The following NRXN3 variants were observed in gnomAD, a reference collection of about 807,000 sequenced individuals.
NRXN3 encodes neurexin III.
Under a neutral mutation model 137.6 loss-of-function variants are expected in NRXN3, and 32 were observed. The observed-to-expected ratio is 0.23, with a 90% CI of 0.18 to 0.31. NRXN3 has a LOEUF of 0.31. Among genes scored for constraint, NRXN3 ranks in the 10% least tolerant of loss-of-function variants. The pLI, the probability that NRXN3 is intolerant of heterozygous loss-of-function variation, is 1.00. For missense variants in NRXN3, 1,574 were observed against 2,062.5 expected (o/e 0.76, Z 4.59); for synonymous variants, 798 against 784.5 (o/e 1.02, Z -0.29).
chr14:79,397,382 G>A (rs1054598560), intron 15 of NRXN3, among the ~76,000 whole-genome samples: 1 of 152,158 alleles, frequency 6.6e-6, no homozygotes, highest in Non-Finnish European at 1.5e-5. Context: ...ATCTTTGTTG[G>A]TGCTAAATAC....
At chr14:79,044,694 A>T (rs1306323325) in intron 15 of NRXN3, among the ~76,000 whole-genome samples, 1 of 87,762 alleles carries the variant, frequency 1.1e-5, no homozygotes, top group East Asian at 3.6e-4. Context: ...TAGACTCAAA[A>T]GTGAACACAC....
At chr14:79,351,938 C>T (rs1032303401) in intron 15 of NRXN3, among the ~76,000 whole-genome samples, 4 of 152,112 alleles carry the variant, frequency 2.6e-5, no homozygotes, top group African/African-American at 4.8e-5. Flanking sequence ...GCTATGAGAA[C>T]AATAGGCGCT....
chr14:79,460,381 G>A (rs546575995), intron 15 of NRXN3, among the ~76,000 whole-genome samples: 1 of 152,222 alleles, frequency 6.6e-6, no homozygotes, highest in South Asian at 2.1e-4. Flanking sequence ...TTAAGTAGTG[G>A]TAGACTTTTT....
chr14:79,551,276 G>C (rs2097370229), intron 16 of NRXN3, among the ~76,000 whole-genome samples: 1 of 152,004 alleles, frequency 6.6e-6, no homozygotes, highest in Non-Finnish European at 1.5e-5. Flanking sequence ...TTTCTGCTCA[G>C]AACTGGAAAC....
intron 4 of NRXN3, among the ~76,000 whole-genome samples, chr14:78,394,781 A>G (rs111962459): frequency 3.9e-5 from 6 of 151,990 alleles, no homozygotes; most frequent in East Asian, 3.9e-4. Context: ...TCCATATTCA[A>G]TGATTTGGGG....
chr14:78,630,491 G>T (rs1342116095), intron 4 of NRXN3, among the ~76,000 whole-genome samples: 1 of 152,082 alleles, frequency 6.6e-6, no homozygotes, highest in East Asian at 1.9e-4. Context: ...GCAGTGTGTG[G>T]TGTGGCATAG....
At chr14:79,185,389 C>G (rs2063402605) in intron 15 of NRXN3, among the ~76,000 whole-genome samples, 1 of 151,862 alleles carries the variant, frequency 6.6e-6, no homozygotes, top group South Asian at 2.1e-4. Context: ...GTGAAACATT[C>G]TAATTGTAAA....
chr14:78,571,334 G>A (rs2096887456), intron 4 of NRXN3, among the ~76,000 whole-genome samples: 1 of 152,156 alleles, frequency 6.6e-6, no homozygotes, highest in African/African-American at 2.4e-5. Flanking sequence ...CACTCACAGA[G>A]TAAACCTGGC....
chr14:79,683,223 G>A (rs558567117), intron 17 of NRXN3, among the ~76,000 whole-genome samples: 95 of 152,124 alleles, frequency 6.2e-4, no homozygotes, highest in African/African-American at 2.2e-3. Context: ...TCTTAAACTC[G>A]GGACTGATAT....
chr14:78,647,086 A>G (rs1266353627), intron 5 of NRXN3, among the ~76,000 whole-genome samples: 2 of 152,108 alleles, frequency 1.3e-5, no homozygotes, highest in Non-Finnish European at 2.9e-5. Context: ...CTCTCCCACC[A>G]CCCTTCCTTA....
intron 19 of NRXN3, among the ~76,000 whole-genome samples, chr14:79,799,071 G>A (rs1009407723): frequency 2.6e-5 from 4 of 151,886 alleles, no homozygotes; most frequent in African/African-American, 9.7e-5. Context: ...AACAATGTTA[G>A]GAGGAAAAAA....
At chr14:79,849,076 T>C (rs2099386451) in intron 20 of NRXN3, among the ~76,000 whole-genome samples, 1 of 152,196 alleles carries the variant, frequency 6.6e-6, no homozygotes, top group Non-Finnish European at 1.5e-5. Flanking sequence ...AGAAGTCCTG[T>C]TGACTCTGCC....
At chr14:78,334,357 C>T (rs866600259) in intron 4 of NRXN3, among the ~76,000 whole-genome samples, 2 of 152,224 alleles carry the variant, frequency 1.3e-5, no homozygotes, top group Middle Eastern at 3.4e-3. Context: ...AACTTTGTGT[C>T]AGAACTCATA....
intron 4 of NRXN3, among the ~76,000 whole-genome samples, chr14:78,302,444 A>T (rs1476936550): frequency 6.6e-6 from 1 of 152,148 alleles, no homozygotes; most frequent in Admixed American, 6.5e-5. Flanking sequence ...GAGTCAGATA[A>T]CATAAGCCAA....
At chr14:79,263,719 G>A (rs2077995258) in intron 15 of NRXN3, among the ~76,000 whole-genome samples, 1 of 152,154 alleles carries the variant, frequency 6.6e-6, no homozygotes, top group South Asian at 2.1e-4. Context: ...GAAATCTTTG[G>A]ACTTTTTTTC....
At chr14:78,985,653 T>C (rs934778461) in intron 14 of NRXN3, among the ~76,000 whole-genome samples, 1 of 152,212 alleles carries the variant, frequency 6.6e-6, no homozygotes, top group Non-Finnish European at 1.5e-5. Flanking sequence ...TTTTTGCTGT[T>C]TTACTGCCTT....
At chr14:78,476,519 GAATAATT>G (rs1471829907) in intron 4 of NRXN3, among the ~76,000 whole-genome samples, 2 of 149,996 alleles carry the variant, frequency 1.3e-5, no homozygotes, top group Non-Finnish European at 3.0e-5. Flanking sequence ...GGTCTGGTTA[GAATAATT>G]AAGAAGAGAA....
chr14:79,107,362 A>C (rs1297286259), intron 15 of NRXN3, among the ~76,000 whole-genome samples: 1 of 152,130 alleles, frequency 6.6e-6, no homozygotes, highest in East Asian at 1.9e-4. Context: ...GAGGGGGATT[A>C]ATGCTTGGCA....
chr14:78,495,130 T>A (rs980726922), intron 4 of NRXN3, among the ~76,000 whole-genome samples: 2 of 33,044 alleles, frequency 6.1e-5, no homozygotes, highest in Middle Eastern at 0.016. Flanking sequence ...GGGGTGTGTG[T>A]GTGCGTGCGT....
Sources: gnomAD v4.1 joint callset for allele counts (sites outside exome capture counted in the v4.1 genomes callset) on GRCh38, gnomAD v4.1.1 for gene constraint, MANE v1.5 for transcripts, NCBI Gene and HGNC (gene_info 2026-07-23, HGNC 2026-07-21) for gene names.